Variants in PHC1 observed in about 807,000 individuals in gnomAD.
PHC1 encodes the protein polyhomeotic-like protein 1.
PHC1 carries 12 observed loss-of-function variants against 104.3 expected under a neutral mutation model. That is an observed-to-expected ratio of 0.12 (90% confidence interval 0.07 to 0.19). The LOEUF is 0.19. PHC1 is among the 10% of genes least tolerant of loss of function. The pLI is 1.00. For synonymous variants in PHC1, 302 were observed against 455.8 expected (o/e 0.66, Z 4.30); for missense variants, 671 against 1,200.0 (o/e 0.56, Z 6.51).
At chr12:8,935,288 G>T in intron 11 of PHC1, 50 bp downstream of exon 11, 1 of 980,532 alleles carries the variant, frequency 1.0e-6, no homozygotes, top group East Asian at 2.6e-5. Flanking sequence ...TCGTGGAGAT[G>T]TGTTTGAGGA....
rs757112615 is a variant in PHC1 at position 8,937,303 on chromosome 12, A to G, written c.2605A>G (p.Lys869Glu). ...RRSSSDIARA[K>E]IQGKCHRGQE... Reference sequence around the variant, plus strand: ...CAGCTCCTCTGACATTGCCCGTGCCAAGATTCAGGGCAAGTGCCACCGGGT... The same window carrying G: ...CAGCTCCTCTGACATTGCCCGTGCCGAGATTCAGGGCAAGTGCCACCGGGT... The change falls in exon 13 of 15, where the codon AAG (lysine) becomes GAG (glutamate). Residue 869 changes from lysine (K) to glutamate (E), a missense_variant. Lys to Glu is a moderately conservative substitution (Grantham distance 56). Coordinates refer to ENST00000544916, the MANE Select transcript of PHC1 (RefSeq NM_004426.3). The G allele has an allele frequency of 2.0e-5, 33 of 1,609,956 alleles. No individual in the cohort carries two copies. Among genetic ancestry groups the G allele is most frequent in the Non-Finnish European group, 2.6e-5 (31 of 1,178,096 alleles).
At chr12:8,926,314 G>A (rs763413191) in intron 6 of PHC1, among the ~76,000 whole-genome samples, 10 of 152,184 alleles carry the variant, frequency 6.6e-5, no homozygotes, top group Non-Finnish European at 1.5e-4. Flanking sequence ...ACTCTCCTCA[G>A]TCTTTAAAAT....
chr12:8,934,452 A>T lies in PHC1; in HGVS notation c.2227A>T (p.Ile743Phe), dbSNP rs2137122931. The change falls in exon 10 of 15, where the codon ATC (isoleucine) becomes TTC (phenylalanine). Residue 743 changes from isoleucine (I) to phenylalanine (F), a missense_variant. Transcript: ENST00000544916. ...CACCCACATCATTGAAGGCTTTGTT[A>T]TCCAGGAAGGAGCAGAACCTTTCCC... ...ILTHIIEGFV[I>F]QEGAEPFPVG... 6.2e-7 allele frequency: 1 copy of T among 1,613,848 alleles called. No individual in the cohort carries two copies. Among genetic ancestry groups the T allele is most frequent in the South Asian group, 1.1e-5 (1 of 91,046 alleles).
chr12:8,929,482 G>A (rs1945620395), intron 6 of PHC1, among the ~76,000 whole-genome samples: 1 of 150,692 alleles, frequency 6.6e-6, no homozygotes, highest in Admixed American at 6.6e-5. Context: ...TAAAAATACA[G>A]TCTTTTTAGA....
At chr12:8,934,194 C>T in intron 9 of PHC1, 73 bp from the exon 10 acceptor site, 1 of 1,337,170 alleles carries the variant, frequency 7.5e-7, no homozygotes, top group Non-Finnish European at 1.1e-6. Flanking sequence ...TATGGAAGAT[C>T]ATGCTGGCTC....
chr12:8,916,424 A>G (rs1182048017), intron 1 of PHC1, among the ~76,000 whole-genome samples: 1 of 152,206 alleles, frequency 6.6e-6, no homozygotes, highest in Non-Finnish European at 1.5e-5. Context: ...CTTAAGCCAG[A>G]TAATATTTTG....
chr12:8,935,613 C>T (rs1347102178), intron 11 of PHC1, among the ~76,000 whole-genome samples: 2 of 151,546 alleles, frequency 1.3e-5, no homozygotes, highest in South Asian at 2.1e-4. Flanking sequence ...GGCGACAGAG[C>T]GAGACTCTGT....
In PHC1 at chr12:8,917,758, T is replaced by C. The variant is rs778909564; in HGVS notation, c.81T>C (p.Ala27=). The C allele has an allele frequency of 1.3e-5, 20 of 1,579,766 alleles. No homozygotes were observed. The highest frequency in any genetic ancestry group is 1.7e-5 in the Non-Finnish European group (20 of 1,163,386). Reference sequence around the variant, plus strand: ...GGGGCAGCTCTCGGCCCCAGATAGCTCAAATGTCACTTTATGAACGACAAG... The same window carrying C: ...GGGGCAGCTCTCGGCCCCAGATAGCCCAAATGTCACTTTATGAACGACAAG... The part of the protein sequence containing the change: ...SSGGSSRPQI[A]QMSLYERQAV... The change falls in exon 2 of 15, where the codon GCT becomes GCC. Residue 27 remains alanine (A), a synonymous_variant. Transcript: ENST00000544916.
intron 6 of PHC1, among the ~76,000 whole-genome samples, chr12:8,929,397 C>T (rs751108717): frequency 3.9e-5 from 6 of 152,344 alleles, no homozygotes; most frequent in African/African-American, 1.4e-4. Flanking sequence ...TCCTTATCCA[C>T]AGCCTGCCTT....
intron 6 of PHC1, among the ~76,000 whole-genome samples, chr12:8,929,628 A>G (rs1219503499): frequency 6.6e-6 from 1 of 151,712 alleles, no homozygotes; most frequent in East Asian, 1.9e-4. Context: ...CCCAGGCTCA[A>G]GTGATCCTTT....
chr12:8,933,519 T>C (rs1193534461), intron 8 of PHC1, 169 bp downstream of exon 8: 3 of 940,858 alleles, frequency 3.2e-6, no homozygotes, highest in East Asian at 5.4e-5. Flanking sequence ...ATCTGAACTT[T>C]ATACTCCTAA....
At position 8,941,293 on chromosome 12, in the gene PHC1, G is replaced by T. The variant is rs796220315; in HGVS notation, c.*1834G>T. On this transcript the variant is annotated 3_prime_UTR_variant, in exon 15 of 15. Transcript: ENST00000544916. ...ATCTCCAGGCTCAGACTAAACGAGA[G>T]TACTTGGACTGCAACCAAGTAATCA... The T allele has an allele frequency of 4.2e-6, 1 of 240,102 alleles. No homozygotes were observed. The highest frequency in any genetic ancestry group is 2.3e-5 in the African/African-American group (1 of 42,890). 14.9% of individuals were successfully genotyped at this position (240,102 alleles called of 1,614,324 possible). A position where few individuals can be genotyped will look rare whatever the true frequency, so the allele number is the denominator to read the frequency against.
chr12:8,937,219 A>G lies in PHC1; in HGVS notation c.2521A>G (p.Lys841Glu). The change falls in exon 13 of 15, where the codon AAA becomes GAA. Residue 841 changes from lysine (K) to glutamate (E), a missense_variant. Around this residue, in one of 9 missense-constraint regions of PHC1, gnomAD observed 192 missense variants for 280.5 expected, o/e 0.68. Transcript: ENST00000544916. ...CSHQFRLKRKKMKEFQEANYA... is the reference protein window; with the variant it reads ...CSHQFRLKRKEMKEFQEANYA... ...CCATCAGTTCCGGCTGAAGAGGAAA[A>G]AAATGAAAGAGTTTCAAGAAGCCAA... 6.2e-7 allele frequency: 1 copy of G among 1,613,740 alleles called. No homozygotes were observed. The highest frequency in any genetic ancestry group is 8.5e-7 in the Non-Finnish European group (1 of 1,179,804).
rs557016451 is a variant in PHC1, at chr12:8,922,065, C to T, written c.456+315C>T. ...CTGACCTCAGGTGATCCACCCGCCT[C>T]GGCCTCCCAAAGTGCTAGGATTACA... On this transcript the variant is annotated intron_variant, in intron 5 of 14. Transcript: ENST00000544916. 1.7e-4 allele frequency among the ~76,000 whole-genome samples: 26 copies of T among 152,294 alleles called. No individual in the cohort carries two copies. The South Asian group carries it at 4.6e-3, about 27-fold the overall frequency.
At chr12:8,928,152 C>T (rs374192779) in intron 6 of PHC1, among the ~76,000 whole-genome samples, 12 of 152,134 alleles carry the variant, frequency 7.9e-5, no homozygotes, top group African/African-American at 2.9e-4. Context: ...AGGCAGTCTG[C>T]CCACCTTGGT....
Position 8,922,610 on chromosome 12 carries a change from C to A in PHC1, c.457-23C>A, listed in dbSNP as rs777405687. 2.6e-6 allele frequency: 4 copies of A among 1,552,524 alleles called. No individual in the cohort carries two copies. In the South Asian group the frequency reaches 4.8e-5, roughly 18 times the overall value. ...TTCTTTCCCTCTTGTCCTCTTTGCT[C>A]TTCCTCTTCCTCTCCTTGCCAGCCA... is the stretch of plus-strand genomic sequence containing the variant. On this transcript the variant is annotated intron_variant, in intron 5 of 14. Transcript: ENST00000544916.
Position 8,922,716 on chromosome 12 carries a change from T to A in PHC1, c.540T>A (p.Asn180Lys). Reference sequence around the variant, plus strand: ...CCTCCCAACTCATCCTGATGCCTAATGGGGCGGTGGCTGCAGTCCAGCAGG... The same window carrying A: ...CCTCCCAACTCATCCTGATGCCTAAAGGGGCGGTGGCTGCAGTCCAGCAGG... The part of the protein sequence containing the change: ...PLASQLILMP[N>K]GAVAAVQQEV... The change falls in exon 6 of 15, where the codon AAT becomes AAA. Residue 180 changes from asparagine (N) to lysine (K), a missense_variant. Transcript: ENST00000544916. 6.2e-7 allele frequency: 1 copy of A among 1,611,374 alleles called. No individual in the cohort carries two copies. Among genetic ancestry groups the A allele is most frequent in the Non-Finnish European group, 8.5e-7 (1 of 1,178,942 alleles).
intron 10 of PHC1, among the ~76,000 whole-genome samples, 171 bp from the exon 11 acceptor site, chr12:8,934,953 G>A (rs1565523027): frequency 6.6e-6 from 1 of 151,768 alleles, no homozygotes; most frequent in Non-Finnish European, 1.5e-5. Context: ...ATTGTATAGA[G>A]ACCAGTTACT....
At chr12:8,926,648 G>T (rs1425044122) in intron 6 of PHC1, among the ~76,000 whole-genome samples, 1 of 151,760 alleles carries the variant, frequency 6.6e-6, no homozygotes, top group African/African-American at 2.4e-5. Flanking sequence ...TGTGGCTCAT[G>T]CCTGTAATCC....
Sources: allele counts gnomAD v4.1 joint callset (sites outside exome capture counted in the v4.1 genomes callset), GRCh38; gene constraint gnomAD v4.1.1; regional missense constraint gnomAD v4.1.1; transcripts MANE v1.5; gene names NCBI Gene and HGNC (gene_info 2026-07-23, HGNC 2026-07-21).